SPTBN1: variants seen among roughly 807,000 people sequenced by gnomAD.
The protein encoded by SPTBN1 is spectrin beta, non-erythrocytic 1, also known as spectrin beta chain, non-erythrocytic 1.
In SPTBN1, 32 loss-of-function variants were observed where a neutral mutation model predicts 266.4. The observed-to-expected ratio is 0.12, with a 90% CI of 0.09 to 0.16. The LOEUF is 0.16. Ranked by LOEUF, SPTBN1 falls within the 10% of genes least tolerant of loss-of-function variation. The probability of loss-of-function intolerance (pLI) is 1.00; values close to 1 mark genes in which losing one functional copy is unlikely to be tolerated. For synonymous variants in SPTBN1, 1,336 were observed against 1,162.2 expected, an observed-to-expected ratio of 1.15 and a Z score of -3.04; for missense variants, 2,296 against 3,067.1, an observed-to-expected ratio of 0.75 and a Z score of 5.94.
intron 8 of SPTBN1, 80 bp from the exon 9 acceptor site, chr2:54,622,220 A>T: frequency 6.9e-7 from 1 of 1,455,956 alleles, no homozygotes; most frequent in Non-Finnish European, 9.4e-7. Flanking sequence ...TTTTGTGTGC[A>T]TGCACTCGTA....
chr2:54,583,674 AAAGTT>A (rs1399236676), intron 2 of SPTBN1, among the ~76,000 whole-genome samples: 1 of 152,208 alleles, frequency 6.6e-6, no homozygotes, highest in Non-Finnish European at 1.5e-5. Context: ...AATGTTATAT[AAAGTT>A]AACTACCAAT....
Position 54,645,925 on chromosome 2 carries a change from C to T in SPTBN1, c.4495-3C>T. The T allele has an allele frequency of 1.2e-6, 2 of 1,614,152 alleles. No homozygotes were observed. Among genetic ancestry groups the T allele is most frequent in the South Asian group, 1.1e-5 (1 of 91,074 alleles). On this transcript the variant is annotated splice_region_variant and splice_polypyrimidine_tract_variant and intron_variant, in intron 21 of 35. Transcript: ENST00000356805. The surrounding 1 kb of genome is among the most constrained non-coding windows in gnomAD (Gnocchi z 4.3). ...CTGACCACTTATTTAAAATTCTTCCCAGTTGTGGGTTGGAGAGAGGATGCC... is the reference window on the plus strand; with the variant it reads ...CTGACCACTTATTTAAAATTCTTCCTAGTTGTGGGTTGGAGAGAGGATGCC...
chr2:54,537,855 G>T (rs1671700456), intron 2 of SPTBN1, among the ~76,000 whole-genome samples: 1 of 152,098 alleles, frequency 6.6e-6, no homozygotes. Flanking sequence ...AAATATTAGG[G>T]GTGTTTGGGA....
intron 1 of SPTBN1, among the ~76,000 whole-genome samples, chr2:54,485,536 G>C (rs372623185): frequency 4.6e-5 from 7 of 151,870 alleles, no homozygotes; most frequent in Non-Finnish European, 1.0e-4. Context: ...GATCTCGGCT[G>C]GCTACAACCT....
At chr2:54,522,126 G>T (rs1439264425) in intron 1 of SPTBN1, among the ~76,000 whole-genome samples, 1 of 149,852 alleles carries the variant, frequency 6.7e-6, no homozygotes, top group Non-Finnish European at 1.5e-5. Flanking sequence ...GGTCTTTAAC[G>T]CCTGGGCTCA....
In SPTBN1 at chr2:54,521,057, G is replaced by A. The variant is rs556932785; in HGVS notation, c.-47-5315G>A. 1.2e-4 allele frequency among the ~76,000 whole-genome samples: 18 copies of A among 152,286 alleles called. No individual in the cohort carries two copies. In the South Asian group the frequency reaches 3.7e-3, roughly 32 times the overall value. ...TGACTTCACAGCCCACGGGAGGCAT[G>A]GCCAATAGCACCTTGAGAAAACCCA... On this transcript the variant is annotated intron_variant, in intron 1 of 35. Coordinates refer to ENST00000356805, the MANE Select transcript of SPTBN1 (RefSeq NM_003128.3).
chr2:54,487,606 T>G (rs1201186770), intron 1 of SPTBN1, among the ~76,000 whole-genome samples: 1 of 152,168 alleles, frequency 6.6e-6, no homozygotes, highest in East Asian at 1.9e-4. Flanking sequence ...TAATGTCACA[T>G]TTCTTCATTA....
chr2:54,484,305 T>C (rs529070740), intron 1 of SPTBN1, among the ~76,000 whole-genome samples: 1 of 152,302 alleles, frequency 6.6e-6, no homozygotes, highest in East Asian at 1.9e-4. Context: ...TTGGGAATTG[T>C]GTTTATTTTC....
rs1384547624 is a variant in SPTBN1, at chr2:54,554,213, C to G, written c.148+27647C>G. Reference sequence around the variant, plus strand: ...AAACCCATAGTAAGCTGGATATACTCTGAGCATATGGGAGAAACAGCAGAG... The same window carrying G: ...AAACCCATAGTAAGCTGGATATACTGTGAGCATATGGGAGAAACAGCAGAG... On this transcript the variant is annotated intron_variant, in intron 2 of 35. Transcript: ENST00000356805. The surrounding 1 kb of genome is among the most constrained non-coding windows in gnomAD (Gnocchi z 4.5). Among the ~76,000 whole-genome samples the G allele has an allele frequency of 6.6e-6, 1 of 152,176 alleles. No homozygotes were observed. The highest frequency in any genetic ancestry group is 1.5e-5 in the Non-Finnish European group (1 of 68,042).
intron 2 of SPTBN1, among the ~76,000 whole-genome samples, chr2:54,571,566 CACACACACAT>C (rs760397508): frequency 0.18 from 8,161 of 45,488 alleles, 287 homozygotes; most frequent in African/African-American, 0.25. Flanking sequence ...CACACACACA[CACACACACAT>C]ACACACACAC....
intron 2 of SPTBN1, among the ~76,000 whole-genome samples, chr2:54,553,286 T>C (rs1672685667): frequency 6.6e-6 from 1 of 152,074 alleles, no homozygotes; most frequent in South Asian, 2.1e-4. Context: ...AAGAAAAGAA[T>C]GATCTCAGTT....
At chr2:54,457,158 C>CCCG (rs1553425474) in intron 1 of SPTBN1, 1 of 131,092 alleles carries the variant, frequency 7.6e-6, no homozygotes, top group Admixed American at 7.2e-5. Flanking sequence ...CGCCCGCCCC[C>CCCG]CCCCCGCCCT....
chr2:54,475,851 T>A (rs1667798115), intron 1 of SPTBN1, among the ~76,000 whole-genome samples: 1 of 152,160 alleles, frequency 6.6e-6, no homozygotes, highest in African/African-American at 2.4e-5. Flanking sequence ...CTCCACAAAC[T>A]ACAAACAAAA....
In SPTBN1 at chr2:54,558,286, T is replaced by G; in HGVS notation, c.148+31720T>G. The stretch of plus-strand genomic sequence containing the variant: ...CCCCTCCTCGTGGTATAGCCTGCAT[T>G]TCTAATACAATGCTGTTATGCTAAT... On this transcript the variant is annotated intron_variant, in intron 2 of 35. Coordinates refer to ENST00000356805, the MANE Select transcript of SPTBN1 (RefSeq NM_003128.3). The surrounding 1 kb of genome is among the most constrained non-coding windows in gnomAD (Gnocchi z 4.6). 1.0e-6 allele frequency: 1 copy of G among 985,550 alleles called. No individual in the cohort carries two copies. Among genetic ancestry groups the G allele is most frequent in the Non-Finnish European group, 1.2e-6 (1 of 830,038 alleles). The allele number at this position is 985,550 out of a possible 1,614,324, so 61.1% of individuals were successfully genotyped here.
intron 1 of SPTBN1, among the ~76,000 whole-genome samples, chr2:54,513,643 A>G (rs1028271894): frequency 2.0e-5 from 3 of 152,244 alleles, no homozygotes; most frequent in South Asian, 4.1e-4. Flanking sequence ...GAAACCCCAC[A>G]TTAGCCATAA....
intron 3 of SPTBN1, among the ~76,000 whole-genome samples, chr2:54,603,069 C>T (rs924643318): frequency 1.3e-5 from 2 of 152,152 alleles, no homozygotes; most frequent in Admixed American, 6.5e-5. Flanking sequence ...GTCCTAAGTG[C>T]CACATGATAA....
At chr2:54,627,500 C>G (rs185486224) in intron 12 of SPTBN1, among the ~76,000 whole-genome samples, 26 of 152,252 alleles carry the variant, frequency 1.7e-4, no homozygotes, top group Admixed American at 5.9e-4. Context: ...ACCCTGCTCT[C>G]CTTATTGGTT....
intron 15 of SPTBN1, 76 bp from the exon 16 acceptor site, chr2:54,630,779 A>G (rs1678678839): frequency 1.1e-5 from 16 of 1,478,610 alleles, no homozygotes; most frequent in Non-Finnish European, 1.4e-5. Context: ...GCATTAACCC[A>G]TCACTGTTCC....
At chr2:54,603,705 G>A (rs1211419653) in intron 3 of SPTBN1, among the ~76,000 whole-genome samples, 2 of 152,216 alleles carry the variant, frequency 1.3e-5, no homozygotes, top group African/African-American at 4.8e-5. Flanking sequence ...GGGGACTAGT[G>A]TGAAGTGAGT....
Sources: allele counts gnomAD v4.1 joint callset (sites outside exome capture counted in the v4.1 genomes callset), GRCh38; gene constraint gnomAD v4.1.1; non-coding constraint Gnocchi (gnomAD v3.1); transcripts MANE v1.5; gene names NCBI Gene and HGNC (gene_info 2026-07-23, HGNC 2026-07-21).